VPS36: variants seen among roughly 807,000 people sequenced by gnomAD.
VPS36 encodes vacuolar protein-sorting-associated protein 36.
VPS36 carries 31 observed loss-of-function variants against 63.5 expected under a neutral mutation model. That is an observed-to-expected ratio of 0.49 (90% CI 0.37 to 0.66). VPS36 has a LOEUF of 0.66. VPS36 is among the 30% of genes least tolerant of loss of function. The probability of loss-of-function intolerance (pLI) is 0.00; values close to 1 mark genes in which losing one functional copy is unlikely to be tolerated. For missense variants in VPS36, 338 were observed against 463.7 expected (o/e 0.73, Z 2.49); for synonymous variants, 138 against 157.2 (o/e 0.88, Z 0.91).
In VPS36 at chr13:52,442,582, T is replaced by C. The variant is rs138864676; in HGVS notation, c.97-137A>G. The C allele has an allele frequency of 2.5e-4, 180 of 720,130 alleles. 1 individual carries two copies. In the African/African-American group the frequency reaches 3.0e-3, roughly 12 times the overall value. The allele number at this position is 720,130 out of a possible 1,614,324, so 44.6% of individuals were successfully genotyped here. On this transcript the variant is annotated intron_variant, in intron 1 of 13. Coordinates refer to ENST00000378060, the MANE Select transcript of VPS36 (RefSeq NM_016075.4). The stretch of plus-strand genomic sequence containing the variant: ...CTTTTAGAATAGGCTTATCACAAAT[T>C]AAAGAGAACCAATGCTACATACTTC...
chr13:52,447,564 G>A (rs1362474661), intron 1 of VPS36, among the ~76,000 whole-genome samples: 2 of 152,148 alleles, frequency 1.3e-5, no homozygotes, highest in African/African-American at 2.4e-5. Flanking sequence ...ATAAACAAGC[G>A]AGTCTGCATG....
intron 1 of VPS36, among the ~76,000 whole-genome samples, chr13:52,444,478 A>G (rs1431469008): frequency 2.7e-5 from 4 of 147,944 alleles, no homozygotes; most frequent in African/African-American, 9.8e-5. Context: ...ATATATATAC[A>G]TTTTTATATA....
chr13:52,419,652 C>T (rs1958026271), intron 10 of VPS36, among the ~76,000 whole-genome samples: 1 of 152,072 alleles, frequency 6.6e-6, no homozygotes. Flanking sequence ...GGTATATATC[C>T]AAAAGAAAGG....
intron 3 of VPS36, among the ~76,000 whole-genome samples, chr13:52,437,814 C>T (rs1298671631): frequency 6.6e-6 from 1 of 151,950 alleles, no homozygotes; most frequent in Non-Finnish European, 1.5e-5. Flanking sequence ...CCTGTAGTCC[C>T]AGCTACTCGG....
In VPS36 at chr13:52,416,150, C is replaced by T. The variant is rs898227884; in HGVS notation, c.991-57G>A. On this transcript the variant is annotated intron_variant, in intron 12 of 13. Coordinates refer to ENST00000378060, the MANE Select transcript of VPS36 (RefSeq NM_016075.4). ...AATTAATTTAGGACACTAATTTAAA[C>T]ACACTCTGGGTTCTAATGGTAGGCA... The T allele has an allele frequency of 4.7e-5, 73 of 1,541,422 alleles. No homozygotes were observed. The Middle Eastern group carries it at 1.5e-3, about 32-fold the overall frequency.
chr13:52,418,206 A>G lies in VPS36; in HGVS notation c.841-150T>C, dbSNP rs150260465. 1.6e-3 allele frequency: 1,101 copies of G among 674,468 alleles called. 8 individuals are homozygous for G. The African/African-American group carries it at 0.019, about 12-fold the overall frequency. The allele number at this position is 674,468 out of a possible 1,614,324, so 41.8% of individuals were successfully genotyped here. A position where few individuals can be genotyped will look rare whatever the true frequency, so the allele number is the denominator to read the frequency against. On this transcript the variant is annotated intron_variant, in intron 10 of 13. Coordinates refer to ENST00000378060, the MANE Select transcript of VPS36 (RefSeq NM_016075.4). ...ATTGACAAAGGAACCAAAGACTTCT[A>G]TTCCTTAAAGCAGTGGTACCCAATA...
intron 8 of VPS36, among the ~76,000 whole-genome samples, chr13:52,426,763 G>A (rs1958105181): frequency 6.6e-6 from 1 of 152,186 alleles, no homozygotes; most frequent in Admixed American, 6.5e-5. Context: ...GCTGAGGCAG[G>A]AGAATCGCTT....
At position 52,434,889 on chromosome 13, in the gene VPS36, C is replaced by T. The variant is rs566021007; in HGVS notation, c.352-7G>A. 2.5e-5 allele frequency: 40 copies of T among 1,610,928 alleles called. No homozygotes were observed. The highest frequency in any genetic ancestry group is 8.9e-5 in the East Asian group (4 of 44,814). ...CTGATAAACGCCTGTAAAACTGATA[C>T]GCAAATAAATACACTTTAAATGACT... On this transcript the variant is annotated splice_region_variant and splice_polypyrimidine_tract_variant and intron_variant, in intron 4 of 13. Transcript: ENST00000378060.
Position 52,430,452 on chromosome 13 carries a change from G to A in VPS36, c.528+3210C>T, listed in dbSNP as rs576991424. Among the ~76,000 whole-genome samples the A allele has an allele frequency of 3.3e-5, 5 of 152,190 alleles. No individual in the cohort carries two copies. In the South Asian group the frequency reaches 1.0e-3, roughly 32 times the overall value. On this transcript the variant is annotated intron_variant, in intron 6 of 13. Coordinates refer to ENST00000378060, the MANE Select transcript of VPS36 (RefSeq NM_016075.4). ...TCGAGACCAGCCTTGCCAATATGGT[G>A]AAACCCCATCTCTACTAAAAATATA...
At chr13:52,433,237 G>A (rs1048271199) in intron 6 of VPS36, among the ~76,000 whole-genome samples, 2 of 152,200 alleles carry the variant, frequency 1.3e-5, no homozygotes, top group Non-Finnish European at 2.9e-5. Flanking sequence ...TCTTACTGAT[G>A]TCTGGTCTGA....
chr13:52,433,878 C>T (rs184315649), intron 5 of VPS36, 130 bp from the exon 6 acceptor site: 18 of 678,634 alleles, frequency 2.7e-5, no homozygotes, highest in South Asian at 9.8e-5. Context: ...ACAGCATACA[C>T]GGACATTTAG....
intron 5 of VPS36, among the ~76,000 whole-genome samples, chr13:52,434,285 G>A (rs940856584): frequency 6.6e-6 from 1 of 152,160 alleles, no homozygotes; most frequent in African/African-American, 2.4e-5. Flanking sequence ...TAAGAATTAC[G>A]CTGGTAAGCA....
At chr13:52,436,253 A>ACC (rs775239832) in intron 4 of VPS36, 37 bp downstream of exon 4, 7 of 1,401,804 alleles carry the variant, frequency 5.0e-6, no homozygotes, top group South Asian at 1.2e-5. Flanking sequence ...ACACACACAC[A>ACC]CCTTTCTAGT....
chr13:52,428,132 A>C (rs1375731089), intron 6 of VPS36, among the ~76,000 whole-genome samples: 1 of 152,172 alleles, frequency 6.6e-6, no homozygotes, highest in Non-Finnish European at 1.5e-5. Context: ...TTCAAATACC[A>C]TCTAAATGTA....
At chr13:52,427,259 G>T (rs371948597) in intron 6 of VPS36, 40 bp from the exon 7 acceptor site, 7 of 1,591,992 alleles carry the variant, frequency 4.4e-6, no homozygotes, top group African/African-American at 2.7e-5. Context: ...TCCATCTAAA[G>T]AATTAAAATG....
chr13:52,423,026 C>T (rs7985262), intron 10 of VPS36, among the ~76,000 whole-genome samples: 87,508 of 151,934 alleles, frequency 0.58, 25,659 homozygotes, highest in Middle Eastern at 0.69. Context: ...GCCCAAGCTC[C>T]CTTTGACTGC....
intron 1 of VPS36, among the ~76,000 whole-genome samples, chr13:52,447,405 G>C (rs1958354849): frequency 6.6e-6 from 1 of 152,172 alleles, no homozygotes; most frequent in African/African-American, 2.4e-5. Context: ...CTGCCAACTT[G>C]CCACTTTACA....
chr13:52,425,914 CAT>C lies in VPS36; in HGVS notation c.774+16_774+17del, dbSNP rs1012970331. 1.9e-6 allele frequency: 3 copies of C among 1,595,770 alleles called. No individual in the cohort carries two copies. In the African/African-American group the frequency reaches 4.1e-5, roughly 22 times the overall value. On this transcript the variant is annotated intron_variant, in intron 9 of 13. Transcript: ENST00000378060. ...ATTTAACACAGTTTAAAAAAAAACA[CAT>C]AGGTTTAGTTTTTACCTCTAAAGGC...
At chr13:52,439,374 TAAG>T (rs1958250555) in intron 2 of VPS36, among the ~76,000 whole-genome samples, 2 of 152,182 alleles carry the variant, frequency 1.3e-5, no homozygotes, top group Admixed American at 6.5e-5. Context: ...TGGAAGAACA[TAAG>T]AAGTTTAAAA....
Sources: allele counts gnomAD v4.1 joint callset (sites outside exome capture counted in the v4.1 genomes callset), GRCh38; gene constraint gnomAD v4.1.1; transcripts MANE v1.5; gene names NCBI Gene and HGNC (gene_info 2026-07-23, HGNC 2026-07-21).